RGS5: variants seen among roughly 807,000 people sequenced by gnomAD.
The protein encoded by RGS5 is regulator of G protein signaling 5.
Under a neutral mutation model 18.9 loss-of-function variants are expected in RGS5, and 20 were observed. The ratio of observed to expected loss-of-function variants is 1.06; its 90% CI spans 0.74 to 1.54. The LOEUF (loss-of-function observed/expected upper bound fraction) is 1.54. RGS5 is among the 40% of genes most tolerant of loss of function. RGS5 has a pLI of 0.00. For missense variants in RGS5, 201 were observed against 211.8 expected, an observed-to-expected ratio of 0.95 and a Z score of 0.32; for synonymous variants, 57 against 76.2, an observed-to-expected ratio of 0.75 and a Z score of 1.31.
intron 1 of RGS5, among the ~76,000 whole-genome samples, chr1:163,316,307 G>A (rs563794489): frequency 2.0e-5 from 3 of 152,218 alleles, no homozygotes; most frequent in African/African-American, 7.2e-5. Context: ...AATGACACTT[G>A]TTTGCTTTTG....
At chr1:163,152,974 T>C (rs1381994605) in intron 3 of RGS5, among the ~76,000 whole-genome samples, 15 of 146,500 alleles carry the variant, frequency 1.0e-4, no homozygotes, top group Admixed American at 9.8e-4. Context: ...AGACAGAGAT[T>C]TACCACATTG....
chr1:163,226,414 T>C (rs1647336927), intron 2 of RGS5, among the ~76,000 whole-genome samples: 1 of 152,102 alleles, frequency 6.6e-6, no homozygotes. Flanking sequence ...GAGTTAAACT[T>C]AAAAGTTTGA....
intron 2 of RGS5, among the ~76,000 whole-genome samples, chr1:163,246,550 G>A (rs962509221): frequency 2.6e-5 from 4 of 152,042 alleles, no homozygotes; most frequent in African/African-American, 4.8e-5. Context: ...CAGCCTGGGC[G>A]ACACAGTGAA....
intron 2 of RGS5, among the ~76,000 whole-genome samples, chr1:163,286,420 T>A (rs1472615450): frequency 6.9e-6 from 1 of 145,136 alleles, no homozygotes; most frequent in Non-Finnish European, 1.5e-5. Flanking sequence ...ATTACATATG[T>A]AAATTAATTT....
chr1:163,268,329 A>G (rs1248648628), intron 2 of RGS5, among the ~76,000 whole-genome samples: 1 of 152,116 alleles, frequency 6.6e-6, no homozygotes, highest in African/African-American at 2.4e-5. Context: ...AGAGACATAC[A>G]TTAGAGGTGA....
chr1:163,316,962 G>A (rs1650042695), intron 1 of RGS5, among the ~76,000 whole-genome samples: 1 of 152,140 alleles, frequency 6.6e-6, no homozygotes, highest in Admixed American at 6.5e-5. Flanking sequence ...AGGTCATTAA[G>A]AACCAGCCCT....
chr1:163,249,282 CTTTTAG>C (rs1258482626), intron 2 of RGS5, among the ~76,000 whole-genome samples: 10 of 152,298 alleles, frequency 6.6e-5, no homozygotes, highest in Admixed American at 1.3e-4. Context: ...CATATAGAAG[CTTTTAG>C]TTTAAGTCTC....
intron 2 of RGS5, among the ~76,000 whole-genome samples, chr1:163,278,341 GA>G (rs1356875964): frequency 1.3e-5 from 2 of 152,012 alleles, no homozygotes; most frequent in African/African-American, 2.4e-5. Flanking sequence ...AGTGCTGAAA[GA>G]AAAAACTGCT....
At chr1:163,219,402 C>T (rs912116297), upstream of RGS5, among the ~76,000 whole-genome samples, 27 of 152,146 alleles carry the variant, frequency 1.8e-4, no homozygotes, top group Admixed American at 1.6e-3. Context: ...CTAATCCATA[C>T]TTTTGCATCT....
intron 1 of RGS5, among the ~76,000 whole-genome samples, chr1:163,184,996 A>C (rs188658111): frequency 1.6e-3 from 240 of 152,294 alleles, no homozygotes; most frequent in African/African-American, 5.7e-3. Flanking sequence ...AATAGACTTA[A>C]AACCAGTCAG....
intron 4 of RGS5, among the ~76,000 whole-genome samples, 166 bp from the exon 5 acceptor site, chr1:163,147,669 T>G (rs1418447741): frequency 6.6e-6 from 1 of 152,200 alleles, no homozygotes; most frequent in Non-Finnish European, 1.5e-5. Context: ...ATAAGGCAGC[T>G]GATGTTCCAA....
At chr1:163,166,111 A>T (rs556896298) in intron 2 of RGS5, among the ~76,000 whole-genome samples, 1 of 56,502 alleles carries the variant, frequency 1.8e-5, no homozygotes, top group Non-Finnish European at 3.3e-5. Flanking sequence ...AAAGGCATAG[A>T]AGCAGGAGAG....
intron 2 of RGS5, among the ~76,000 whole-genome samples, chr1:163,290,185 C>T (rs1649245164): frequency 6.6e-6 from 1 of 152,142 alleles, no homozygotes. Context: ...TCTATAAAAC[C>T]CCACGCATTT....
intron 2 of RGS5, among the ~76,000 whole-genome samples, chr1:163,265,421 T>C (rs1197083632): frequency 1.3e-5 from 2 of 152,170 alleles, no homozygotes; most frequent in Non-Finnish European, 2.9e-5. Context: ...TCTGCTCTCC[T>C]AGTCTTGTAA....
At chr1:163,218,838 T>G (rs375322976), upstream of RGS5, among the ~76,000 whole-genome samples, 2 of 152,214 alleles carry the variant, frequency 1.3e-5, no homozygotes, top group East Asian at 1.9e-4. Context: ...AGAAGTGTTC[T>G]CTACCTGACA....
chr1:163,168,174 T>C (rs1658137294), intron 2 of RGS5, 84 bp downstream of exon 2: 7 of 1,001,724 alleles, frequency 7.0e-6, no homozygotes, highest in Non-Finnish European at 1.1e-5. Flanking sequence ...AAGGGGGTAG[T>C]TCTACAGATG....
intron 2 of RGS5, chr1:163,260,328 G>C (rs1648395490): frequency 6.6e-6 from 1 of 151,722 alleles, no homozygotes; most frequent in Non-Finnish European, 1.5e-5. Flanking sequence ...TGCCTATTTT[G>C]GCTTTCTTTA....
At chr1:163,165,628 G>A (rs1204394096) in intron 2 of RGS5, among the ~76,000 whole-genome samples, 1 of 152,178 alleles carries the variant, frequency 6.6e-6, no homozygotes, top group Non-Finnish European at 1.5e-5. Flanking sequence ...CAACTGGGCT[G>A]GGCGTGGTGG....
Position 163,225,584 on chromosome 1 carries a change from C to T in RGS5, c.-280-57216G>A, listed in dbSNP as rs566597298. On this transcript the variant is annotated intron_variant, in intron 2 of 5. Transcript: ENST00000618415. ...TGCTAGAATACACCCACCCACACCCCCTACCCACCCCACACACACTCACAT... is the reference window on the plus strand; with the variant it reads ...TGCTAGAATACACCCACCCACACCCTCTACCCACCCCACACACACTCACAT... 1.8e-3 allele frequency among the ~76,000 whole-genome samples: 270 copies of T among 152,154 alleles called. 2 individuals are homozygous for T. Among genetic ancestry groups the T allele is most frequent in the Admixed American group, 0.012 (181 of 15,278 alleles).
Sources: allele counts gnomAD v4.1 joint callset (sites outside exome capture counted in the v4.1 genomes callset), GRCh38; gene constraint gnomAD v4.1.1; transcripts MANE v1.5; gene names NCBI Gene and HGNC (gene_info 2026-07-23, HGNC 2026-07-21).